LPP: variants seen among roughly 807,000 people sequenced by gnomAD.
LPP encodes the protein LIM domain containing preferred translocation partner in lipoma, also known as lipoma-preferred partner.
A neutral mutation model predicts 60.4 loss-of-function variants in LPP; 38 were observed. That is an observed-to-expected ratio of 0.63 (90% confidence interval 0.49 to 0.83). LPP has a LOEUF of 0.83. Ranked by LOEUF, LPP falls within the 40% of genes least tolerant of loss-of-function variation. The probability of loss-of-function intolerance (pLI) is 0.00; values close to 1 mark genes in which losing one functional copy is unlikely to be tolerated. For missense variants in LPP, 902 were observed against 783.6 expected (o/e 1.15, Z -1.80); for synonymous variants, 328 against 290.8 (o/e 1.13, Z -1.30).
chr3:188,738,125 C>T (rs1444190298), intron 8 of LPP, among the ~76,000 whole-genome samples: 1 of 152,002 alleles, frequency 6.6e-6, no homozygotes, highest in Non-Finnish European at 1.5e-5. Flanking sequence ...ATGCAATTGT[C>T]TTCTTAGTCC....
At chr3:188,592,546 G>GTTTTTTTTTTTTTTTTTTTTTT (rs1553936323) in intron 6 of LPP, among the ~76,000 whole-genome samples, 7 of 98,374 alleles carry the variant, frequency 7.1e-5, no homozygotes, top group Admixed American at 1.0e-4. Context: ...ACTGTTTTTA[G>GTTTTTTTTTTTTTTTTTTTTTT]TTTTGTTTTT....
intron 1 of LPP, chr3:188,212,743 G>T (rs968080681): frequency 7.0e-6 from 1 of 142,454 alleles, no homozygotes; most frequent in Admixed American, 7.2e-5. Flanking sequence ...CGAGACCACC[G>T]CCTTGCTGTG....
intron 5 of LPP, among the ~76,000 whole-genome samples, chr3:188,497,206 C>T (rs1249929774): frequency 6.6e-6 from 1 of 152,106 alleles, no homozygotes; most frequent in Non-Finnish European, 1.5e-5. Flanking sequence ...CCTACAGCCA[C>T]TTCCTCTCTG....
At chr3:188,318,209 C>T (rs1312685808) in intron 2 of LPP, among the ~76,000 whole-genome samples, 2 of 152,014 alleles carry the variant, frequency 1.3e-5, no homozygotes, top group African/African-American at 4.8e-5. Context: ...TTATTCTGGG[C>T]CTTGCTTTTT....
rs1348912392 is a variant in LPP, at chr3:188,610,851, C to T, written c.1113+1007C>T. Among the ~76,000 whole-genome samples, 1 of 152,132 alleles carries T rather than the reference C, an allele frequency of 6.6e-6. No individual in the cohort carries two copies. Among genetic ancestry groups the T allele is most frequent in the African/African-American group, 2.4e-5 (1 of 41,422 alleles). On this transcript the variant is annotated intron_variant, in intron 7 of 11. Coordinates refer to ENST00000617246, the MANE Select transcript of LPP (RefSeq NM_001375462.1). This position sits in a 1 kb window ranked among gnomAD's most constrained non-coding sequence, Gnocchi z 4.4. ...CCAGCCACTTGGGTTGGAAGAGTGCCCTTGCTTCTTTTCAGTTAGAACTGT... is the reference window on the plus strand; with the variant it reads ...CCAGCCACTTGGGTTGGAAGAGTGCTCTTGCTTCTTTTCAGTTAGAACTGT...
At chr3:188,184,131 A>T (rs1462578421) in intron 1 of LPP, among the ~76,000 whole-genome samples, 1 of 152,132 alleles carries the variant, frequency 6.6e-6, no homozygotes, top group Non-Finnish European at 1.5e-5. Context: ...GGCTTCCAAG[A>T]TATGAATTTG....
At chr3:188,645,623 T>C (rs537170373) in intron 7 of LPP, among the ~76,000 whole-genome samples, 4 of 152,250 alleles carry the variant, frequency 2.6e-5, no homozygotes, top group Admixed American at 2.6e-4. Context: ...CTCTTTAATA[T>C]CAGTTTTGCC....
intron 9 of LPP, among the ~76,000 whole-genome samples, chr3:188,840,421 A>G (rs1759646362): frequency 6.6e-6 from 1 of 152,196 alleles, no homozygotes; most frequent in African/African-American, 2.4e-5. Context: ...CATCCTTTGT[A>G]ATGGTGAATC....
chr3:188,517,332 C>T (rs1817647324), intron 5 of LPP, among the ~76,000 whole-genome samples: 1 of 152,094 alleles, frequency 6.6e-6, no homozygotes, highest in South Asian at 2.1e-4. Flanking sequence ...TTGATTGTTT[C>T]CCCAATTTCA....
intron 2 of LPP, among the ~76,000 whole-genome samples, chr3:188,314,616 A>T (rs550219393): frequency 1.4e-5 from 2 of 145,956 alleles, no homozygotes; most frequent in Non-Finnish European, 3.0e-5. Context: ...TGTGTGTGTG[A>T]TCGAGACCAT....
At chr3:188,629,758 G>A (rs572757697) in intron 7 of LPP, among the ~76,000 whole-genome samples, 24 of 151,648 alleles carry the variant, frequency 1.6e-4, no homozygotes, top group Non-Finnish European at 3.2e-4. Context: ...GAACCACAAA[G>A]AGCCCAAATA....
chr3:188,284,129 C>T (rs989255806), intron 2 of LPP, among the ~76,000 whole-genome samples: 22 of 152,062 alleles, frequency 1.4e-4, no homozygotes, highest in Admixed American at 1.1e-3. Flanking sequence ...CAGTGGCTCA[C>T]GCCTGTAATC....
intron 7 of LPP, among the ~76,000 whole-genome samples, chr3:188,619,023 T>C (rs541928928): frequency 6.6e-6 from 1 of 152,308 alleles, no homozygotes. Context: ...TTTTTTATTT[T>C]ATTTTTTTCT....
intron 1 of LPP, among the ~76,000 whole-genome samples, chr3:188,195,238 G>A (rs1427121058): frequency 2.0e-5 from 3 of 151,274 alleles, no homozygotes; most frequent in Admixed American, 6.6e-5. Context: ...CAGCCTGGGC[G>A]ACAAGAGCGA....
chr3:188,389,769 C>A, intron 3 of LPP, among the ~76,000 whole-genome samples: 2 of 74,848 alleles, frequency 2.7e-5, no homozygotes, highest in Admixed American at 1.7e-4. Context: ...GAGTGGGACT[C>A]CGTCTCAAAA....
rs573455010 is a variant in LPP at position 188,339,484 on chromosome 3, C to G, written c.-66-2179C>G. Among the ~76,000 whole-genome samples the G allele has an allele frequency of 2.0e-5, 3 of 152,300 alleles. No homozygotes were observed. In the East Asian group the frequency reaches 5.8e-4, roughly 29 times the overall value. On this transcript the variant is annotated intron_variant, in intron 2 of 11. Coordinates refer to ENST00000617246, the MANE Select transcript of LPP (RefSeq NM_001375462.1). ...TTTATAAAGAAAGAGGTTTAATTGA[C>G]TCACAGTTCCACATTGCTGGGGAGG...
intron 1 of LPP, among the ~76,000 whole-genome samples, chr3:188,161,612 T>C (rs1718304848): frequency 6.6e-6 from 1 of 152,150 alleles, no homozygotes; most frequent in African/African-American, 2.4e-5. Context: ...AGCTGCTCAA[T>C]CACACCCTTG....
rs779592145 is a variant in LPP at position 188,872,625 on chromosome 3, C to CT, written c.1590-17dup. 5.0e-6 allele frequency: 8 copies of CT among 1,614,022 alleles called. No individual in the cohort carries two copies. In the Admixed American group the frequency reaches 1.3e-4, roughly 27 times the overall value. On this transcript the variant is annotated splice_polypyrimidine_tract_variant and intron_variant, in intron 10 of 11. Transcript: ENST00000617246. ...GTCGACGCGCAGTATCTAACCAGAA[C>CT]TCTCTCTTCACTTTCAGGAAATTTG...
chr3:188,205,824 G>T (rs934428913), intron 1 of LPP, among the ~76,000 whole-genome samples: 3 of 152,200 alleles, frequency 2.0e-5, no homozygotes, highest in Non-Finnish European at 2.9e-5. Flanking sequence ...CATCTTGAGG[G>T]ATATAGCACG....
Sources: allele counts gnomAD v4.1 joint callset (sites outside exome capture counted in the v4.1 genomes callset), GRCh38; gene constraint gnomAD v4.1.1; non-coding constraint Gnocchi (gnomAD v3.1); transcripts MANE v1.5; gene names NCBI Gene and HGNC (gene_info 2026-07-23, HGNC 2026-07-21).